Variants in HS1BP3 observed in about 807,000 individuals in gnomAD.
HS1BP3 encodes the protein HCLS1-binding protein 3.
Under a neutral mutation model 33.5 loss-of-function variants are expected in HS1BP3, and 32 were observed. The observed-to-expected ratio is 0.95, with a 90% CI of 0.72 to 1.28. HS1BP3 has a LOEUF of 1.28. Ranked by LOEUF, HS1BP3 falls within the 50% of genes most tolerant of loss-of-function variation. HS1BP3 has a pLI of 0.00. For synonymous variants in HS1BP3, 187 were observed against 209.2 expected, an observed-to-expected ratio of 0.89 and a Z score of 0.92; for missense variants, 486 against 502.3, an observed-to-expected ratio of 0.97 and a Z score of 0.31.
chr2:20,604,359 T>C (rs1694129334), intron 2 of HS1BP3, among the ~76,000 whole-genome samples: 1 of 152,212 alleles, frequency 6.6e-6, no homozygotes, highest in East Asian at 1.9e-4. Context: ...AGCCTGCTTT[T>C]AAAGACTGCC....
chr2:20,627,755 G>A (rs1196604088), intron 4 of HS1BP3, among the ~76,000 whole-genome samples: 2 of 152,158 alleles, frequency 1.3e-5, no homozygotes, highest in African/African-American at 2.4e-5. Flanking sequence ...ATCTTCAGGG[G>A]AATCAAGGAA....
At chr2:20,603,512 T>C (rs1345579739) in intron 2 of HS1BP3, among the ~76,000 whole-genome samples, 1 of 152,160 alleles carries the variant, frequency 6.6e-6, no homozygotes, top group Non-Finnish European at 1.5e-5. Context: ...CATTATCCCA[T>C]ATATATAAAA....
chr2:20,602,116 T>C (rs1356720224), intron 2 of HS1BP3, among the ~76,000 whole-genome samples: 1 of 151,022 alleles, frequency 6.6e-6, no homozygotes, highest in Non-Finnish European at 1.5e-5. Flanking sequence ...TTATCAGGGA[T>C]GTCATCCATG....
intron 5 of HS1BP3, among the ~76,000 whole-genome samples, chr2:20,564,223 G>T (rs941042182): frequency 6.6e-6 from 1 of 152,174 alleles, no homozygotes; most frequent in African/African-American, 2.4e-5. Context: ...GTGCTTTTCA[G>T]TCCCAGCTTG....
At chr2:20,587,634 C>A (rs1693712722), downstream of HS1BP3, among the ~76,000 whole-genome samples, 1 of 152,150 alleles carries the variant, frequency 6.6e-6, no homozygotes, top group African/African-American at 2.4e-5. Context: ...GACCACTGTG[C>A]ACTCGGGAGG....
At chr2:20,606,385 G>T in intron 2 of HS1BP3, 1 of 463,434 alleles carries the variant, frequency 2.2e-6, no homozygotes. Context: ...TTGCTAAGGA[G>T]CTCCTGAAGG....
At chr2:20,579,789 G>A (rs1208521080) in intron 5 of HS1BP3, among the ~76,000 whole-genome samples, 1 of 152,214 alleles carries the variant, frequency 6.6e-6, no homozygotes, top group Non-Finnish European at 1.5e-5. Flanking sequence ...AAGTCTCCAA[G>A]ACTCACTGAT....
downstream of HS1BP3, among the ~76,000 whole-genome samples, chr2:20,559,029 C>T (rs985078961): frequency 2.5e-4 from 38 of 152,314 alleles, no homozygotes; most frequent in African/African-American, 7.9e-4. Context: ...ACCCAGGACT[C>T]ACATCGTGAG....
At chr2:20,570,635 G>A (rs1693243949) in intron 5 of HS1BP3, among the ~76,000 whole-genome samples, 1 of 152,222 alleles carries the variant, frequency 6.6e-6, no homozygotes, top group Non-Finnish European at 1.5e-5. Flanking sequence ...AGGACATCTT[G>A]GGGCTACCCA....
intron 4 of HS1BP3, among the ~76,000 whole-genome samples, chr2:20,632,790 T>A (rs963431325): frequency 6.6e-6 from 1 of 152,100 alleles, no homozygotes; most frequent in Admixed American, 6.5e-5. Context: ...CTGCCCCACC[T>A]CCAGAATCGC....
At position 20,648,432 on chromosome 2, in the gene HS1BP3, C is replaced by T. The variant is rs75352129; in HGVS notation, c.32+2600G>A. ...ATCCAAAGGTGAATCCTCATTTCTC[C>T]TCTGGTCTGACTTGTCAGCAGCAGT... On this transcript the variant is annotated intron_variant, in intron 1 of 6. Transcript: ENST00000304031. 9.1e-4 allele frequency among the ~76,000 whole-genome samples: 138 copies of T among 152,326 alleles called. 1 individual carries two copies. The East Asian group carries it at 0.017, about 19-fold the overall frequency.
intron 5 of HS1BP3, among the ~76,000 whole-genome samples, chr2:20,561,471 G>C (rs1397313343): frequency 6.6e-6 from 1 of 152,138 alleles, no homozygotes; most frequent in Non-Finnish European, 1.5e-5. Context: ...TAGAGCACAA[G>C]AGTCCCAGAG....
intron 5 of HS1BP3, among the ~76,000 whole-genome samples, chr2:20,574,656 C>G (rs781618220): frequency 6.6e-6 from 1 of 152,184 alleles, no homozygotes; most frequent in Non-Finnish European, 1.5e-5. Flanking sequence ...GATGAGATGA[C>G]AGTGACCTGG....
chr2:20,567,875 A>G (rs904255411), intron 5 of HS1BP3, among the ~76,000 whole-genome samples: 1 of 152,166 alleles, frequency 6.6e-6, no homozygotes, highest in African/African-American at 2.4e-5. Context: ...ATGAGTTCCA[A>G]TGATGCAGAT....
intron 4 of HS1BP3, 102 bp from the exon 5 acceptor site, chr2:20,624,994 G>A (rs1030587512): frequency 3.6e-6 from 5 of 1,377,898 alleles, no homozygotes; most frequent in Non-Finnish European, 5.1e-6. Context: ...GGAGGGGCTG[G>A]ATGCCATGGG....
intron 3 of HS1BP3, among the ~76,000 whole-genome samples, chr2:20,597,511 G>A (rs1219410323): frequency 1.3e-5 from 2 of 152,098 alleles, no homozygotes; most frequent in East Asian, 1.9e-4. Flanking sequence ...TTCCATGAGA[G>A]GTGATCAAAC....
At chr2:20,569,905 C>T (rs1399531986) in intron 5 of HS1BP3, among the ~76,000 whole-genome samples, 1 of 152,372 alleles carries the variant, frequency 6.6e-6, no homozygotes, top group South Asian at 2.1e-4. Flanking sequence ...GCTCCCCAGC[C>T]CCCAACAGTC....
At chr2:20,622,818 G>A (rs1694647971) in intron 6 of HS1BP3, 1 of 169,566 alleles carries the variant, frequency 5.9e-6, no homozygotes, top group South Asian at 1.5e-4. Context: ...GGGATGTCAG[G>A]AGCGAGGACA....
At chr2:20,648,476 CCCT>C (rs1314315136) in intron 1 of HS1BP3, among the ~76,000 whole-genome samples, 4 of 152,198 alleles carry the variant, frequency 2.6e-5, no homozygotes, top group African/African-American at 9.7e-5. Context: ...TCAGCCACTC[CCCT>C]CCTTCAAGCT....
Sources: gnomAD v4.1 joint callset for allele counts (sites outside exome capture counted in the v4.1 genomes callset) on GRCh38, gnomAD v4.1.1 for gene constraint, MANE v1.5 for transcripts, NCBI Gene and HGNC (gene_info 2026-07-23, HGNC 2026-07-21) for gene names.